The following KANSL3 variants were observed in gnomAD, a reference collection of about 807,000 sequenced individuals.
KANSL3 encodes the protein NSL complex protein NSL3.
In KANSL3, 16 loss-of-function variants were observed where a neutral mutation model predicts 89.2. That is an observed-to-expected ratio of 0.18 (90% CI 0.12 to 0.27). The LOEUF is 0.27. Among genes scored for constraint, KANSL3 ranks in the 10% least tolerant of loss-of-function variants. The pLI, the probability that KANSL3 is intolerant of heterozygous loss-of-function variation, is 1.00. For missense variants in KANSL3, 879 were observed against 1,110.6 expected (o/e 0.79, Z 2.96); for synonymous variants, 385 against 419.7 (o/e 0.92, Z 1.01).
chr2:96,597,149 G>C (rs1052958382), intron 20 of KANSL3, among the ~76,000 whole-genome samples: 1 of 152,124 alleles, frequency 6.6e-6, no homozygotes, highest in Non-Finnish European at 1.5e-5. Context: ...AAAAATGACT[G>C]TTTTAAAATC....
At chr2:96,620,930 A>T (rs762696661) in intron 3 of KANSL3, among the ~76,000 whole-genome samples, 1 of 152,124 alleles carries the variant, frequency 6.6e-6, no homozygotes, top group African/African-American at 2.4e-5. Context: ...TGAGCCCAGG[A>T]GGTTGAGGCT....
chr2:96,632,437 G>C (rs1409679476), intron 2 of KANSL3, among the ~76,000 whole-genome samples: 1 of 152,168 alleles, frequency 6.6e-6, no homozygotes, highest in East Asian at 1.9e-4. Flanking sequence ...ACTCCAGTCT[G>C]GGTGACACGG....
chr2:96,597,757 CACA>C (rs753584264), intron 20 of KANSL3, among the ~76,000 whole-genome samples: 5 of 152,068 alleles, frequency 3.3e-5, no homozygotes, highest in Non-Finnish European at 5.9e-5. Context: ...TGCACGCCAC[CACA>C]TCCAGCTAAT....
chr2:96,605,013 T>A (rs556586533), intron 15 of KANSL3, 150 bp from the exon 16 acceptor site: 1 of 664,906 alleles, frequency 1.5e-6, no homozygotes, highest in African/African-American at 1.8e-5. Context: ...AGAGTTGGGG[T>A]TATTTTTTCC....
intron 14 of KANSL3, chr2:96,607,184 C>A (rs2105278101): frequency 2.4e-6 from 1 of 418,840 alleles, no homozygotes. Flanking sequence ...CCTGACTCTG[C>A]CACGGAGTCA....
rs1360366285 is a variant in KANSL3, at chr2:96,612,359, T to C, written c.1015-6A>G. On this transcript the variant is annotated splice_polypyrimidine_tract_variant and splice_region_variant and intron_variant, in intron 8 of 20. Coordinates refer to ENST00000431828, the MANE Select transcript of KANSL3 (RefSeq NM_001115016.3). ...TGTGGGAAATGGCTGTGAATCTTCA[T>C]GGGAAGAGAAAGAAGACAGTAAGAC... 6.2e-6 allele frequency: 10 copies of C among 1,613,196 alleles called. No homozygotes were observed. The Admixed American group carries it at 6.7e-5, about 11-fold the overall frequency.
At chr2:96,601,541 C>A in intron 20 of KANSL3, 102 bp downstream of exon 20, 1 of 1,459,808 alleles carries the variant, frequency 6.9e-7, no homozygotes, top group East Asian at 2.5e-5. Context: ...ATCTGAATCT[C>A]GTCTGTCCAG....
At chr2:96,598,334 C>T (rs1222706037) in intron 20 of KANSL3, among the ~76,000 whole-genome samples, 1 of 152,122 alleles carries the variant, frequency 6.6e-6, no homozygotes, top group Non-Finnish European at 1.5e-5. Context: ...AGCACACACA[C>T]AGAAGTAGGG....
intron 3 of KANSL3, chr2:96,628,051 T>G (rs1235407381): frequency 7.8e-7 from 1 of 1,290,294 alleles, no homozygotes; most frequent in East Asian, 5.5e-5. Flanking sequence ...AATGTGGCAA[T>G]GTCATAACAG....
intron 6 of KANSL3, among the ~76,000 whole-genome samples, 158 bp from the exon 7 acceptor site, chr2:96,613,092 A>C (rs2069312021): frequency 1.3e-5 from 2 of 152,228 alleles, no homozygotes; most frequent in Non-Finnish European, 2.9e-5. Flanking sequence ...ATAGTTAAAG[A>C]AGCTGGCCAG....
Position 96,619,957 on chromosome 2 carries a change from G to A in KANSL3, c.387-195C>T, listed in dbSNP as rs532255542. Among the ~76,000 whole-genome samples, 7 of 152,158 alleles carry A rather than the reference G, an allele frequency of 4.6e-5. No individual in the cohort carries two copies. The South Asian group carries it at 1.5e-3, about 32-fold the overall frequency. ...GGTCTCAATCCTACCAAATCAAATC[G>A]TCACAGCACACACTTGTATTAATAA... On this transcript the variant is annotated intron_variant, in intron 3 of 20. Coordinates refer to ENST00000431828, the MANE Select transcript of KANSL3 (RefSeq NM_001115016.3).
intron 2 of KANSL3, among the ~76,000 whole-genome samples, chr2:96,634,702 A>C (rs1000566768): frequency 1.3e-5 from 2 of 152,214 alleles, no homozygotes; most frequent in African/African-American, 4.8e-5. Flanking sequence ...CAATGACTGA[A>C]ATAATTACAT....
rs2066453243 is a variant in KANSL3 at position 96,595,517 on chromosome 2, A to T, written c.*94T>A. ...GACTGTCTTAAACAGGTCTTCCGAC[A>T]CGTGGACAGCTCAGCAGGACCACAC... On this transcript the variant is annotated 3_prime_UTR_variant, in exon 21 of 21. Transcript: ENST00000431828. 2.9e-6 allele frequency: 4 copies of T among 1,382,392 alleles called. No individual in the cohort carries two copies. In the East Asian group the frequency reaches 9.3e-5, roughly 32 times the overall value. The allele number at this position is 1,382,392 out of a possible 1,614,324, so 85.6% of individuals were successfully genotyped here.
chr2:96,604,869 A>T lies in KANSL3; in HGVS notation c.1934-6T>A, dbSNP rs761892293. 30 of 1,585,982 alleles carry T rather than the reference A, an allele frequency of 1.9e-5. No individual in the cohort carries two copies. The South Asian group carries it at 3.0e-4, about 16-fold the overall frequency. The stretch of plus-strand genomic sequence containing the variant: ...GATGGGCTTCCCACCTGCAGCTTCA[A>T]AACAGAAAACCCCAAGGCCCCTGGT... On this transcript the variant is annotated splice_polypyrimidine_tract_variant and splice_region_variant and intron_variant, in intron 15 of 20. Coordinates refer to ENST00000431828, the MANE Select transcript of KANSL3 (RefSeq NM_001115016.3).
At chr2:96,636,810 C>A in intron 2 of KANSL3, 111 bp downstream of exon 2, 2 of 908,264 alleles carry the variant, frequency 2.2e-6, no homozygotes, top group Non-Finnish European at 3.3e-6. Context: ...AATTTAACAT[C>A]CAAATGCCTC....
chr2:96,613,470 C>A lies in KANSL3; in HGVS notation c.795+18G>T, dbSNP rs780426271. 6.2e-7 allele frequency: 1 copy of A among 1,611,708 alleles called. No homozygotes were observed. The highest frequency in any genetic ancestry group is 8.5e-7 in the Non-Finnish European group (1 of 1,178,456). On this transcript the variant is annotated intron_variant, in intron 6 of 20. Transcript: ENST00000431828. ...AATTTTTATGTACCATTGTTAAGTC[C>A]TGAGCCATCCAACTTACTGGTTTGT...
chr2:96,612,110 C>A (rs2069112499), intron 9 of KANSL3, 172 bp downstream of exon 9: 1 of 600,468 alleles, frequency 1.7e-6, no homozygotes, highest in African/African-American at 1.9e-5. Flanking sequence ...TAAAGTTTTC[C>A]AAAATAAATT....
intron 3 of KANSL3, among the ~76,000 whole-genome samples, chr2:96,625,976 C>T (rs571602018): frequency 6.6e-6 from 1 of 152,256 alleles, no homozygotes; most frequent in African/African-American, 2.4e-5. Flanking sequence ...GTGCCCCACC[C>T]GCCTATTCAA....
intron 20 of KANSL3, chr2:96,600,757 A>C (rs2067061998): frequency 1.0e-6 from 1 of 985,348 alleles, no homozygotes; most frequent in Non-Finnish European, 1.2e-6. Context: ...TCACAGGGGA[A>C]ATTAGATCAG....
Sources: allele counts gnomAD v4.1 joint callset (sites outside exome capture counted in the v4.1 genomes callset), GRCh38; gene constraint gnomAD v4.1.1; transcripts MANE v1.5; gene names NCBI Gene and HGNC (gene_info 2026-07-23, HGNC 2026-07-21).